The following AK3 variants were observed in gnomAD, a reference collection of about 807,000 sequenced individuals.
AK3 encodes adenylate kinase 3.
In AK3, 27 loss-of-function variants were observed where a neutral mutation model predicts 23.7. That is an observed-to-expected ratio of 1.14 (90% CI 0.84 to 1.57). AK3 has a LOEUF of 1.57. Ranked by LOEUF, AK3 falls within the 40% of genes most tolerant of loss-of-function variation. The pLI is 0.00. For synonymous variants in AK3, 159 were observed against 116.0 expected (o/e 1.37, Z -2.38); for missense variants, 406 against 285.6 (o/e 1.42, Z -3.04).
intron 1 of AK3, among the ~76,000 whole-genome samples, chr9:4,727,786 C>T (rs943721333): frequency 2.6e-5 from 4 of 152,202 alleles, no homozygotes; most frequent in African/African-American, 9.7e-5. Flanking sequence ...GCCTTCCTCA[C>T]TAAGCTTAAT....
Position 4,719,282 on chromosome 9 carries a change from T to G in AK3, c.297A>C (p.Ala99=), listed in dbSNP as rs557309938. The G allele has an allele frequency of 6.2e-7, 1 of 1,606,098 alleles. No homozygotes were observed. Among genetic ancestry groups the G allele is most frequent in the East Asian group, 2.2e-5 (1 of 44,508 alleles). The change falls in exon 3 of 5, where the codon GCA becomes GCC. Residue 99 remains alanine, a synonymous_variant. Transcript: ENST00000381809. Reference sequence around the variant, plus strand: ...TCTGATAAGCTCTATCTAGGGCTTCTGCCTGTGGAAGTGTCCTTGGAAAAC... The same window carrying G: ...TCTGATAAGCTCTATCTAGGGCTTCGGCCTGTGGAAGTGTCCTTGGAAAAC... ...LDGFPRTLPQ[A]EALDRAYQID...
intron 2 of AK3, among the ~76,000 whole-genome samples, chr9:4,722,200 T>C (rs1841916049): frequency 6.6e-6 from 1 of 152,236 alleles, no homozygotes; most frequent in African/African-American, 2.4e-5. Flanking sequence ...TTACAGCTTA[T>C]TGTAAATTAC....
At position 4,711,359 on chromosome 9, in the gene AK3, AC is replaced by A. The variant is rs1356555005; in HGVS notation, c.*1616del. The A allele has an allele frequency of 3.0e-5, 4 of 135,098 alleles. No individual in the cohort carries two copies. In the Admixed American group the frequency reaches 3.1e-4, roughly 10 times the overall value. 8.4% of individuals were successfully genotyped at this position (135,098 alleles called of 1,614,324 possible). ...TAATCCATAAGTTTGGTATTTCACA[AC>A]ATTTTTTAGAAAGCACATAAGATTA... On this transcript the variant is annotated 3_prime_UTR_variant, in exon 5 of 5. Coordinates refer to ENST00000381809, the MANE Select transcript of AK3 (RefSeq NM_016282.4).
intron 1 of AK3, among the ~76,000 whole-genome samples, chr9:4,728,320 C>G (rs986810740): frequency 1.8e-4 from 27 of 152,194 alleles, no homozygotes; most frequent in African/African-American, 6.0e-4. Flanking sequence ...CCTGTAATCC[C>G]GGCACTTTGG....
intron 2 of AK3, 116 bp downstream of exon 2, chr9:4,722,390 G>A: frequency 6.9e-7 from 1 of 1,444,674 alleles, no homozygotes; most frequent in Non-Finnish European, 9.4e-7. Flanking sequence ...ATAGTCCCAA[G>A]CACCCCTCTC....
chr9:4,740,070 AAAAAAAAG>A (rs1842391090), intron 1 of AK3, among the ~76,000 whole-genome samples: 1 of 149,366 alleles, frequency 6.7e-6, no homozygotes, highest in African/African-American at 2.5e-5. Flanking sequence ...CAAAAAAAAA[AAAAAAAAG>A]AAGGAAAACA....
In AK3 at chr9:4,711,926, G is replaced by A. The variant is rs1005850744; in HGVS notation, c.*1050C>T. On this transcript the variant is annotated 3_prime_UTR_variant, in exon 5 of 5. Transcript: ENST00000381809. ...CCTATCATGTAAATTCTTTTTATTG[G>A]TACACCTGTTTACTAATTATGATTG... 2 of 152,042 alleles carry A rather than the reference G, an allele frequency of 1.3e-5. No homozygotes were observed. Among genetic ancestry groups the A allele is most frequent in the Non-Finnish European group, 2.9e-5 (2 of 68,004 alleles). 9.4% of individuals were successfully genotyped at this position (152,042 alleles called of 1,614,324 possible).
In AK3 at chr9:4,728,908, T is replaced by A. The variant is rs1038038983; in HGVS notation, c.152-6283A>T. On this transcript the variant is annotated intron_variant, in intron 1 of 4. Transcript: ENST00000381809. ...ATACATATATATACACATACTTATA[T>A]ATATACATACATATAAATATATACA... is the stretch of plus-strand genomic sequence containing the variant. Among the ~76,000 whole-genome samples the A allele has an allele frequency of 4.7e-5, 7 of 147,390 alleles. No individual in the cohort carries two copies. The South Asian group carries it at 1.5e-3, about 31-fold the overall frequency.
chr9:4,741,530 G>A (rs926366523), upstream of AK3, among the ~76,000 whole-genome samples: 1 of 143,184 alleles, frequency 7.0e-6, no homozygotes, highest in Non-Finnish European at 1.5e-5. Flanking sequence ...CCGGAACCCC[G>A]CGCCCTGTCC....
Position 4,719,191 on chromosome 9 carries a change from T to C in AK3, c.388A>G (p.Ile130Val). 1.2e-6 allele frequency: 2 copies of C among 1,611,858 alleles called. No homozygotes were observed. Among genetic ancestry groups the C allele is most frequent in the Non-Finnish European group, 1.7e-6 (2 of 1,179,836 alleles). The stretch of plus-strand genomic sequence containing the variant: ...TAGACTCGGCCACTGGCGGGATGAA[T>C]CCAGCGAGCAGTAAGGCGTTGTTTA... ...VIKQRLTARW[I>V]HPASGRVYNI... Residue 130 changes from isoleucine to valine, a missense_variant, in exon 3 of 5, where the codon ATT becomes GTT. Transcript: ENST00000381809.
chr9:4,729,498 A>G lies in AK3; in HGVS notation c.152-6873T>C, dbSNP rs190100819. ...CAGGGAGGGGGGAAAGACAGTTACC[A>G]TAAGAGATAGCAATTCCTCCCCTCG... On this transcript the variant is annotated intron_variant, in intron 1 of 4. Coordinates refer to ENST00000381809, the MANE Select transcript of AK3 (RefSeq NM_016282.4). 3.5e-4 allele frequency among the ~76,000 whole-genome samples: 54 copies of G among 152,114 alleles called. No homozygotes were observed. The East Asian group carries it at 9.1e-3, about 26-fold the overall frequency.
rs778825619 is a variant in AK3, at chr9:4,719,174, G to GC, written c.404dup (p.Arg136ProfsTer4). On this transcript the variant is annotated frameshift_variant, in exon 3 of 5. Coordinates refer to ENST00000381809, the MANE Select transcript of AK3 (RefSeq NM_016282.4). LOFTEE classifies it high-confidence loss of function. The stretch of plus-strand genomic sequence containing the variant: ...GGTTGAATTCAATGTTATAGACTCG[G>GC]CCACTGGCGGGATGAATCCAGCGAG... 31 of 1,611,734 alleles carry GC rather than the reference G, an allele frequency of 1.9e-5. No individual in the cohort carries two copies. The highest frequency in any genetic ancestry group is 2.5e-5 in the Non-Finnish European group (30 of 1,179,818).
Position 4,710,748 on chromosome 9 carries a change from CAAA to C in AK3, c.*2225_*2227del, listed in dbSNP as rs987888078. On this transcript the variant is annotated 3_prime_UTR_variant, in exon 5 of 5. Coordinates refer to ENST00000381809, the MANE Select transcript of AK3 (RefSeq NM_016282.4). ...GCAACATATCGAGACGCCGTCTCTA[CAAA>C]AAAATAAAATTAGCCAGGCATGGTG... 8 of 146,984 alleles carry C rather than the reference CAAA, an allele frequency of 5.4e-5. No homozygotes were observed. The highest frequency in any genetic ancestry group is 1.2e-4 in the African/African-American group (5 of 40,392). The allele number at this position is 146,984 out of a possible 1,614,324, so 9.1% of individuals were successfully genotyped here. A position where few individuals can be genotyped will look rare whatever the true frequency, so the allele number is the denominator to read the frequency against.
At chr9:4,738,919 G>T (rs953116447) in intron 1 of AK3, among the ~76,000 whole-genome samples, 2 of 151,600 alleles carry the variant, frequency 1.3e-5, no homozygotes, top group Non-Finnish European at 2.9e-5. Flanking sequence ...CCACAGGCGC[G>T]AGCCACCATG....
intron 1 of AK3, among the ~76,000 whole-genome samples, chr9:4,728,752 T>C (rs1842074680): frequency 6.7e-6 from 1 of 150,142 alleles, no homozygotes; most frequent in Non-Finnish European, 1.5e-5. Flanking sequence ...TCCCAGCACT[T>C]TGGGAGGCCA....
intron 4 of AK3, among the ~76,000 whole-genome samples, chr9:4,715,460 T>C (rs992209636): frequency 1.4e-5 from 2 of 144,442 alleles, no homozygotes; most frequent in African/African-American, 5.2e-5. Flanking sequence ...AGTGGAGCAA[T>C]CATAGATCAC....
chr9:4,738,933 A>T (rs1842359880), intron 1 of AK3, among the ~76,000 whole-genome samples: 1 of 151,718 alleles, frequency 6.6e-6, no homozygotes, highest in Admixed American at 6.6e-5. Flanking sequence ...CACCATGCCC[A>T]GCTAATTTTT....
intron 1 of AK3, among the ~76,000 whole-genome samples, chr9:4,724,311 C>CTGT: frequency 6.6e-6 from 1 of 152,112 alleles, no homozygotes; most frequent in East Asian, 1.9e-4. Flanking sequence ...CCAAAAACAC[C>CTGT]TGTTATTGGC....
chr9:4,725,179 A>C (rs1044337250), intron 1 of AK3, among the ~76,000 whole-genome samples: 1 of 151,822 alleles, frequency 6.6e-6, no homozygotes, highest in African/African-American at 2.4e-5. Flanking sequence ...GCCCACCACC[A>C]TGCCCAGCTA....
Sources: gnomAD v4.1 joint callset for allele counts (sites outside exome capture counted in the v4.1 genomes callset) on GRCh38, gnomAD v4.1.1 for gene constraint, MANE v1.5 for transcripts, NCBI Gene and HGNC (gene_info 2026-07-23, HGNC 2026-07-21) for gene names.